Variants in P4HA3 observed in about 807,000 individuals in gnomAD.
The protein encoded by P4HA3 is prolyl 4-hydroxylase subunit alpha 3, also known as prolyl 4-hydroxylase subunit alpha-3.
In P4HA3, 60 loss-of-function variants were observed where a neutral mutation model predicts 66.7. The observed-to-expected ratio is 0.90, with a 90% CI of 0.73 to 1.12. P4HA3 has a LOEUF of 1.12. P4HA3 is among the 50% of genes most tolerant of loss of function. P4HA3 has a pLI of 0.00. For synonymous variants in P4HA3, 263 were observed against 274.6 expected, an observed-to-expected ratio of 0.96 and a Z score of 0.42; for missense variants, 683 against 685.8, an observed-to-expected ratio of 1.00 and a Z score of 0.05.
intron 2 of P4HA3, 135 bp from the exon 3 acceptor site, chr11:74,302,727 G>A: frequency 1.3e-6 from 1 of 784,006 alleles, no homozygotes; most frequent in South Asian, 1.8e-5. Context: ...CCAGAGGCAA[G>A]CACAGTTCCT....
At chr11:74,296,435 T>C (rs1343345406) in intron 4 of P4HA3, among the ~76,000 whole-genome samples, 1 of 152,122 alleles carries the variant, frequency 6.6e-6, no homozygotes, top group Non-Finnish European at 1.5e-5. Flanking sequence ...CACAGGGACA[T>C]TTACTTCTAA....
intron 8 of P4HA3, among the ~76,000 whole-genome samples, chr11:74,278,853 A>G (rs1860489460): frequency 6.6e-6 from 1 of 151,844 alleles, no homozygotes; most frequent in Non-Finnish European, 1.5e-5. Flanking sequence ...TGCTGACGTC[A>G]CTGTCTCACA....
chr11:74,267,973 AGGCTCCCAGTCTGTTG>A (rs2135702136), intron 12 of P4HA3, among the ~76,000 whole-genome samples, 156 bp downstream of exon 12: 1 of 152,326 alleles, frequency 6.6e-6, no homozygotes, highest in South Asian at 2.1e-4. Flanking sequence ...TGCCTGTTAT[AGGCTCCCAGTCTGTTG>A]GGGGCACCTC....
chr11:74,298,411 A>G, intron 3 of P4HA3, 50 bp from the exon 4 acceptor site: 1 of 1,566,212 alleles, frequency 6.4e-7, no homozygotes, highest in Non-Finnish European at 8.7e-7. Context: ...ACAGGTAGAA[A>G]AAGAAAATGA....
rs7125228 is a variant in P4HA3, at chr11:74,274,254, T to C, written c.1336-647A>G. Among the ~76,000 whole-genome samples the C allele has an allele frequency of 5.3e-3, 799 of 152,096 alleles. 1 individual carries two copies. The highest frequency in any genetic ancestry group is 8.9e-3 in the Non-Finnish European group (606 of 67,970). Reference sequence around the variant, plus strand: ...GATATATCAAAATTTGTTTATCCGTTCACCTGTTGACAGACATCTGGGCTG... The same window carrying C: ...GATATATCAAAATTTGTTTATCCGTCCACCTGTTGACAGACATCTGGGCTG... On this transcript the variant is annotated intron_variant, in intron 9 of 12. Coordinates refer to ENST00000331597, the MANE Select transcript of P4HA3 (RefSeq NM_182904.5).
At chr11:74,306,692 G>A (rs1861590463) in intron 1 of P4HA3, among the ~76,000 whole-genome samples, 1 of 152,196 alleles carries the variant, frequency 6.6e-6, no homozygotes, top group African/African-American at 2.4e-5. Context: ...TCTTATCTGA[G>A]GATTTCTAAA....
downstream of P4HA3, among the ~76,000 whole-genome samples, chr11:74,265,417 C>T (rs774824271): frequency 9.2e-5 from 14 of 152,164 alleles, no homozygotes; most frequent in Non-Finnish European, 1.6e-4. Context: ...CTCTGGGAAG[C>T]TGAGGTCATA....
Position 74,277,023 on chromosome 11 carries a change from T to A in P4HA3, c.1297A>T (p.Ile433Phe). The A allele has an allele frequency of 6.2e-7, 1 of 1,614,082 alleles. No individual in the cohort carries two copies. The highest frequency in any genetic ancestry group is 8.5e-7 in the Non-Finnish European group (1 of 1,179,990). Residue 433 changes from isoleucine to phenylalanine, a missense_variant, in exon 9 of 13, where the codon ATC (isoleucine) becomes TTC (phenylalanine). By Grantham distance (21) the Ile-to-Phe change is conservative. Transcript: ENST00000331597. The stretch of plus-strand genomic sequence containing the variant: ...AAGTGAGGCTCATAGTGTCCTCCGA[T>A]GCCATAGTTCACCACCTGCAGATAC... ...AEYLQVVNYG[I>F]GGHYEPHFDH...
At chr11:74,298,181 T>C in intron 4 of P4HA3, 31 bp downstream of exon 4, 3 of 1,604,770 alleles carry the variant, frequency 1.9e-6, no homozygotes, top group South Asian at 1.1e-5. Flanking sequence ...CTTAGTATAA[T>C]AAAAGCAGTG....
chr11:74,311,592 A>C lies in P4HA3; in HGVS notation c.20T>G (p.Leu7Arg), dbSNP rs1233869308. Residue 7 changes from leucine (L) to arginine (R), a missense_variant, in exon 1 of 13, where the codon CTG becomes CGG. Coordinates refer to ENST00000331597, the MANE Select transcript of P4HA3 (RefSeq NM_182904.5). MGPGARLAALLAVLALG... is the reference protein window; with the variant it reads MGPGARRAALLAVLALG... Reference sequence around the variant, plus strand: ...CGCCAGCACCGCCAGCAGCGCCGCCAGCCGCGCCCCAGGACCCATAGCCAG... The same window carrying C: ...CGCCAGCACCGCCAGCAGCGCCGCCCGCCGCGCCCCAGGACCCATAGCCAG... The C allele has an allele frequency of 1.3e-6, 2 of 1,535,558 alleles. No homozygotes were observed. Among genetic ancestry groups the C allele is most frequent in the Non-Finnish European group, 1.7e-6 (2 of 1,152,602 alleles).
intron 4 of P4HA3, among the ~76,000 whole-genome samples, chr11:74,289,472 T>A (rs564753273): frequency 3.9e-4 from 59 of 152,262 alleles, no homozygotes; most frequent in African/African-American, 1.4e-3. Flanking sequence ...TACTTTAAGT[T>A]TTAGGGTACA....
At position 74,289,124 on chromosome 11, in the gene P4HA3, T is replaced by C; in HGVS notation, c.724A>G (p.Asn242Asp). ...HLAFAYFRAGNVSCALSLSRE... is the reference protein window; with the variant it reads ...HLAFAYFRAGDVSCALSLSRE... ...GAGAGGCTGAGGGCACACGAAACAT[T>C]TCCTGCCTGTTAAAAAAAAAAAAAA... Residue 242 changes from asparagine (N) to aspartate (D), a missense_variant, in exon 5 of 13, where the codon AAT becomes GAT. By Grantham distance (23) the Asn-to-Asp change is conservative. Transcript: ENST00000331597. 6.3e-7 allele frequency: 1 copy of C among 1,579,662 alleles called. No individual in the cohort carries two copies. The highest frequency in any genetic ancestry group is 8.6e-7 in the Non-Finnish European group (1 of 1,164,722).
intron 1 of P4HA3, 92 bp downstream of exon 1, chr11:74,311,320 C>G: frequency 7.6e-7 from 1 of 1,321,702 alleles, no homozygotes; most frequent in Non-Finnish European, 9.9e-7. Flanking sequence ...TGACAATGAG[C>G]CTGGGGTCAC....
chr11:74,298,577 T>C (rs181401968), intron 3 of P4HA3, among the ~76,000 whole-genome samples: 3 of 152,318 alleles, frequency 2.0e-5, no homozygotes, highest in African/African-American at 7.2e-5. Flanking sequence ...ATTTATAATC[T>C]GAAGGAAAAG....
Position 74,251,760 on chromosome 11 carries a change from A to G in P4HA3, c.*1319-3759T>C, listed in dbSNP as rs751692293. ...TTAAGAACCCAGCAGTGCTGGCCGAATCTGACAAGCAGACACTTGTAGGAC... is the reference window on the plus strand; with the variant it reads ...TTAAGAACCCAGCAGTGCTGGCCGAGTCTGACAAGCAGACACTTGTAGGAC... On this transcript the variant is annotated intron_variant and NMD_transcript_variant, in intron 15 of 15. Coordinates refer to the P4HA3 transcript ENST00000524388. 15 of 1,605,244 alleles carry G rather than the reference A, an allele frequency of 9.3e-6. 1 individual carries two copies. Among genetic ancestry groups the G allele is most frequent in the South Asian group, 6.6e-5 (6 of 90,884 alleles).
chr11:74,303,292 C>CTT (rs779313817), intron 2 of P4HA3, among the ~76,000 whole-genome samples: 34,182 of 122,952 alleles, frequency 0.28, 5,155 homozygotes, highest in Non-Finnish European at 0.32. Context: ...CAACAAACTT[C>CTT]TTTTTTTTTT....
intron 15 of P4HA3, among the ~76,000 whole-genome samples, chr11:74,256,414 T>G (rs1859831922): frequency 1.3e-5 from 2 of 152,168 alleles, no homozygotes; most frequent in Admixed American, 1.3e-4. Context: ...ATCCCCAATT[T>G]AAAGGCAAGG....
chr11:74,288,569 T>G (rs1860883059), intron 5 of P4HA3, among the ~76,000 whole-genome samples: 1 of 152,194 alleles, frequency 6.6e-6, no homozygotes, highest in Admixed American at 6.5e-5. Context: ...ATTTTCCAAC[T>G]AACTTAAAAA....
intron 12 of P4HA3, 45 bp downstream of exon 12, chr11:74,268,100 C>G: frequency 6.5e-7 from 1 of 1,547,818 alleles, no homozygotes; most frequent in South Asian, 1.1e-5. Context: ...TCACTCTACT[C>G]TGCACCCTGT....
Sources: gnomAD v4.1 joint callset for allele counts (sites outside exome capture counted in the v4.1 genomes callset) on GRCh38, gnomAD v4.1.1 for gene constraint, MANE v1.5 for transcripts, NCBI Gene and HGNC (gene_info 2026-07-23, HGNC 2026-07-21) for gene names.